The following PAX9 variants were observed in gnomAD, a reference collection of about 807,000 sequenced individuals.
The protein encoded by PAX9 is paired box protein Pax-9.
In PAX9, 6 loss-of-function variants were observed where a neutral mutation model predicts 29.1. The observed-to-expected ratio is 0.21, with a 90% confidence interval of 0.11 to 0.41. The LOEUF (loss-of-function observed/expected upper bound fraction) is 0.41. PAX9 is among the 10% of genes least tolerant of loss of function. The pLI, the probability that PAX9 is intolerant of heterozygous loss-of-function variation, is 1.00. For synonymous variants in PAX9, 217 were observed against 211.7 expected (o/e 1.03, Z -0.22); for missense variants, 443 against 479.1 (o/e 0.92, Z 0.70).
At chr14:36,661,358 C>A (rs1423603582), upstream of PAX9, among the ~76,000 whole-genome samples, 1 of 152,224 alleles carries the variant, frequency 6.6e-6, no homozygotes, top group Non-Finnish European at 1.5e-5. Context: ...CTCACACCTG[C>A]GCTCTCGCCA....
chr14:36,674,185 A>G (rs1282651632), intron 3 of PAX9, among the ~76,000 whole-genome samples: 4 of 152,236 alleles, frequency 2.6e-5, no homozygotes, highest in Non-Finnish European at 5.9e-5. Context: ...ATAATCAGCC[A>G]TTCTCAAAAA....
chr14:36,670,896 A>C (rs1316498553), intron 3 of PAX9, among the ~76,000 whole-genome samples: 1 of 152,108 alleles, frequency 6.6e-6, no homozygotes, highest in African/African-American at 2.4e-5. Context: ...AAGCATAATT[A>C]AGATCTTGTT....
intron 3 of PAX9, among the ~76,000 whole-genome samples, chr14:36,673,530 C>CAGGGGAACATCTCTGGGCAAAAAG (rs6145299): frequency 6.6e-6 from 1 of 151,988 alleles, no homozygotes; most frequent in African/African-American, 2.4e-5. Context: ...GGCCATCTTC[C>CAGGGGAACATCTCTGGGCAAAAAG]AAGTGGGTCC....
At chr14:36,661,492 C>T (rs941231587), upstream of PAX9, among the ~76,000 whole-genome samples, 1 of 152,224 alleles carries the variant, frequency 6.6e-6, no homozygotes, top group Non-Finnish European at 1.5e-5. Flanking sequence ...CGGTGGCGCC[C>T]GCCTCCCACC....
intron 3 of PAX9, among the ~76,000 whole-genome samples, chr14:36,667,667 C>T (rs995315150): frequency 2.0e-5 from 3 of 152,164 alleles, no homozygotes. Context: ...TGTAACAAAT[C>T]CCATTTCCAC....
At position 36,678,641 on chromosome 14, in the gene PAX9, C is replaced by CTGTT. The variant is rs1414315534; in HGVS notation, c.*2190_*2193dup. On this transcript the variant is annotated 3_prime_UTR_variant, in exon 4 of 4. Transcript: ENST00000361487. ...TTCTTTATCAAATGTTTTTAGGTGGCTGTTAGGGGGCTTTAAAAAATATTA... is the reference window on the plus strand; with the variant it reads ...TTCTTTATCAAATGTTTTTAGGTGGCTGTTTGTTAGGGGGCTTTAAAAAATATTA... 7.9e-6 allele frequency: 10 copies of CTGTT among 1,271,342 alleles called. No individual in the cohort carries two copies. The highest frequency in any genetic ancestry group is 3.7e-5 in the Admixed American group (1 of 26,892). 78.8% of individuals were successfully genotyped at this position (1,271,342 alleles called of 1,614,324 possible). A position where few individuals can be genotyped will look rare whatever the true frequency, so the allele number is the denominator to read the frequency against.
rs771651084 is a variant in PAX9, at chr14:36,678,709, A to C, written c.*2257A>C. ...GCAAATAATGTTATTTTCTTTATCTAAATTAAGAAATCTCTTGTTATTGTG... is the reference window on the plus strand; with the variant it reads ...GCAAATAATGTTATTTTCTTTATCTCAATTAAGAAATCTCTTGTTATTGTG... On this transcript the variant is annotated 3_prime_UTR_variant, in exon 4 of 4. Coordinates refer to ENST00000361487, the MANE Select transcript of PAX9 (RefSeq NM_001372076.1). The C allele has an allele frequency of 9.3e-5, 113 of 1,220,734 alleles. No homozygotes were observed. Among genetic ancestry groups the C allele is most frequent in the Non-Finnish European group, 1.1e-4 (111 of 977,124 alleles). 75.6% of individuals were successfully genotyped at this position (1,220,734 alleles called of 1,614,324 possible). A position where few individuals can be genotyped will look rare whatever the true frequency, so the allele number is the denominator to read the frequency against.
rs1000397475 is a variant in PAX9, at chr14:36,676,659, A to G, written c.*207A>G. 1.6e-6 allele frequency: 1 copy of G among 625,044 alleles called. No individual in the cohort carries two copies. Among genetic ancestry groups the G allele is most frequent in the African/African-American group, 1.8e-5 (1 of 54,956 alleles). 38.7% of individuals were successfully genotyped at this position (625,044 alleles called of 1,614,324 possible). On this transcript the variant is annotated 3_prime_UTR_variant, in exon 4 of 4. Transcript: ENST00000361487. ...CTTGCAGAAAAACTGACATGACTTT[A>G]GGATTTAAAAACAAGAGCAACAATA...
chr14:36,662,379 G>A (rs527269491), intron 1 of PAX9, among the ~76,000 whole-genome samples: 3 of 152,302 alleles, frequency 2.0e-5, no homozygotes, highest in East Asian at 3.9e-4. Flanking sequence ...AGCAAACCAA[G>A]TTTTGTTTCA....
intron 3 of PAX9, among the ~76,000 whole-genome samples, chr14:36,670,556 T>C (rs1270122258): frequency 6.6e-6 from 1 of 152,066 alleles, no homozygotes; most frequent in Non-Finnish European, 1.5e-5. Flanking sequence ...TTTGTCTTCA[T>C]ATTAAAGTTA....
chr14:36,678,996 A>G lies in PAX9; in HGVS notation c.*2544A>G. ...TTGACATATTTCCTCTATCTCATAG[A>G]TGGTAAAAGTGTTGCTTTTAAACTG... On this transcript the variant is annotated 3_prime_UTR_variant, in exon 4 of 4. Coordinates refer to ENST00000361487, the MANE Select transcript of PAX9 (RefSeq NM_001372076.1). 1.7e-5 allele frequency: 16 copies of G among 963,788 alleles called. No homozygotes were observed. Among genetic ancestry groups the G allele is most frequent in the Non-Finnish European group, 1.9e-5 (16 of 823,148 alleles). The allele number at this position is 963,788 out of a possible 1,614,324, so 59.7% of individuals were successfully genotyped here. A position where few individuals can be genotyped will look rare whatever the true frequency, so the allele number is the denominator to read the frequency against.
chr14:36,673,885 T>C (rs1881786447), intron 3 of PAX9, among the ~76,000 whole-genome samples: 1 of 152,230 alleles, frequency 6.6e-6, no homozygotes, highest in Non-Finnish European at 1.5e-5. Flanking sequence ...ATGTTAGCAT[T>C]CTTATTTCAT....
intron 3 of PAX9, among the ~76,000 whole-genome samples, chr14:36,674,431 T>TACATGGCTAA (rs1881808762): frequency 6.6e-6 from 1 of 152,198 alleles, no homozygotes; most frequent in Non-Finnish European, 1.5e-5. Context: ...TGGTTGAGGG[T>TACATGGCTAA]ACATGGCTAA....
intron 1 of PAX9, chr14:36,662,623 C>G (rs894644214): frequency 3.8e-6 from 2 of 533,016 alleles, no homozygotes; most frequent in South Asian, 2.5e-5. Flanking sequence ...CTTCGGGAGA[C>G]TTTTGAACGC....
chr14:36,665,836 C>G (rs1881467245), intron 2 of PAX9, among the ~76,000 whole-genome samples: 1 of 152,206 alleles, frequency 6.6e-6, no homozygotes, highest in African/African-American at 2.4e-5. Context: ...GGTAGTGTAT[C>G]AAGGGGAGCC....
At chr14:36,662,714 G>T in intron 1 of PAX9, 183 bp from the exon 2 acceptor site, 1 of 694,356 alleles carries the variant, frequency 1.4e-6, no homozygotes, top group Non-Finnish European at 2.4e-6. Flanking sequence ...GGGTCCGATT[G>T]GACAGTGACG....
Position 36,678,560 on chromosome 14 carries a change from C to T in PAX9, c.*2108C>T. ...ATTTTGGTGGAGACTTCTTTAAAAC[C>T]ATACCATACAGGGACTCTCCTGTCA... On this transcript the variant is annotated 3_prime_UTR_variant, in exon 4 of 4. Coordinates refer to ENST00000361487, the MANE Select transcript of PAX9 (RefSeq NM_001372076.1). 6.5e-7 allele frequency: 1 copy of T among 1,535,598 alleles called. No individual in the cohort carries two copies. The highest frequency in any genetic ancestry group is 8.7e-7 in the Non-Finnish European group (1 of 1,146,080).
At chr14:36,669,118 A>G (rs745399049) in intron 3 of PAX9, among the ~76,000 whole-genome samples, 3 of 152,176 alleles carry the variant, frequency 2.0e-5, no homozygotes, top group Non-Finnish European at 4.4e-5. Context: ...ATTAGTGGCT[A>G]CTCTATGATA....
chr14:36,666,614 G>A lies in PAX9; in HGVS notation c.771+13G>A, dbSNP rs1005587752. On this transcript the variant is annotated intron_variant, in intron 3 of 3. Transcript: ENST00000361487. ...CAAGTACGGTCAGGTGAGGAGGCGA[G>A]GGTCAGGCCAGGTGGGCCGCGTGGC... is the stretch of plus-strand genomic sequence containing the variant. The A allele has an allele frequency of 2.6e-6, 4 of 1,559,612 alleles. No homozygotes were observed. Among genetic ancestry groups the A allele is most frequent in the Non-Finnish European group, 2.6e-6 (3 of 1,151,454 alleles).
Sources: allele counts gnomAD v4.1 joint callset (sites outside exome capture counted in the v4.1 genomes callset), GRCh38; gene constraint gnomAD v4.1.1; transcripts MANE v1.5; gene names NCBI Gene and HGNC (gene_info 2026-07-23, HGNC 2026-07-21).